The following PAPLN variants were observed in gnomAD, a reference collection of about 807,000 sequenced individuals.
PAPLN encodes the protein papilin.
A neutral mutation model predicts 159.0 loss-of-function variants in PAPLN; 146 were observed. The ratio of observed to expected loss-of-function variants is 0.92; its 90% confidence interval spans 0.80 to 1.05. The LOEUF (loss-of-function observed/expected upper bound fraction) is 1.05. PAPLN is among the 50% of genes least tolerant of loss of function. The pLI is 0.00. For missense variants in PAPLN, 1,720 were observed against 1,743.9 expected (o/e 0.99, Z 0.24); for synonymous variants, 734 against 702.9 (o/e 1.04, Z -0.70).
At chr14:73,241,623 ATTC>A (rs564697242) in intron 2 of PAPLN, among the ~76,000 whole-genome samples, 2 of 152,138 alleles carry the variant, frequency 1.3e-5, no homozygotes, top group African/African-American at 4.8e-5. Context: ...TGGGCTGAGA[ATTC>A]TTCTCTCCCT....
intron 5 of PAPLN, among the ~76,000 whole-genome samples, chr14:73,247,923 TG>T (rs1594787782): frequency 2.6e-5 from 3 of 115,868 alleles, no homozygotes; most frequent in Non-Finnish European, 5.3e-5. Flanking sequence ...TGTGTGTGTG[TG>T]TGTGTGTGTG....
rs1284079173 is a variant in PAPLN, at chr14:73,245,783, C to T, written c.231+87C>T. ...CCATTGGGATGCCCGCTCCTGGCCG[C>T]GGGCTGCTGGGTTGGCCCAGCCTGG... On this transcript the variant is annotated intron_variant, in intron 4 of 26. Transcript: ENST00000644200. The surrounding 1 kb of genome is among the most constrained non-coding windows in gnomAD (Gnocchi z 4.2). 2.7e-6 allele frequency: 4 copies of T among 1,491,574 alleles called. No homozygotes were observed. Among genetic ancestry groups the T allele is most frequent in the East Asian group, 4.9e-5 (2 of 40,476 alleles). The allele number at this position is 1,491,574 out of a possible 1,614,324, so 92.4% of individuals were successfully genotyped here. A position where few individuals can be genotyped will look rare whatever the true frequency, so the allele number is the denominator to read the frequency against.
Position 73,272,800 on chromosome 14 carries a change from A to T in PAPLN, c.*136A>T. ...AATACATTAGCTCTTTCAAAAACCC[A>T]CCCAGTGTTTAGCCTCAACGGCAGC... On this transcript the variant is annotated 3_prime_UTR_variant, in exon 27 of 27. Transcript: ENST00000644200. 1 of 984,976 alleles carries T rather than the reference A, an allele frequency of 1.0e-6. No individual in the cohort carries two copies. The highest frequency in any genetic ancestry group is 1.4e-6 in the Non-Finnish European group (1 of 736,126). 61.0% of individuals were successfully genotyped at this position (984,976 alleles called of 1,614,324 possible).
chr14:73,251,034 G>A lies in PAPLN; in HGVS notation c.589+4G>A, dbSNP rs925278346. 1 of 1,608,900 alleles carries A rather than the reference G, an allele frequency of 6.2e-7. No homozygotes were observed. Among genetic ancestry groups the A allele is most frequent in the Non-Finnish European group, 8.5e-7 (1 of 1,177,742 alleles). ...GACGCTAATGACCTCAGCCGAGGTG[G>A]GGGTGGTTCCGACAAGGGGCAGTTG... On this transcript the variant is annotated splice_donor_region_variant and intron_variant, in intron 7 of 26. Coordinates refer to ENST00000644200, the MANE Select transcript of PAPLN (RefSeq NM_001365906.3).
At chr14:73,267,899 C>T (rs932854059) in intron 25 of PAPLN, among the ~76,000 whole-genome samples, 1 of 152,150 alleles carries the variant, frequency 6.6e-6, no homozygotes. Flanking sequence ...CATAGTGTCC[C>T]CTTTACAGCT....
At chr14:73,259,595 G>A in intron 16 of PAPLN, 50 bp downstream of exon 16, 4 of 1,440,194 alleles carry the variant, frequency 2.8e-6, no homozygotes, top group African/African-American at 1.4e-5. Context: ...GAGGGAAGGT[G>A]GGACCCCGTG....
Position 73,266,504 on chromosome 14 carries a change from C to T in PAPLN, c.3267C>T (p.His1089=). The T allele has an allele frequency of 6.2e-7, 1 of 1,613,938 alleles. No individual in the cohort carries two copies. The highest frequency in any genetic ancestry group is 1.1e-5 in the South Asian group (1 of 91,040). The change falls in exon 24 of 27, where the codon CAC becomes CAT. Residue 1089 remains histidine (H), a synonymous_variant. Transcript: ENST00000644200. Reference sequence around the variant, plus strand: ...ACTGGCTGTACTTGGTCCCCAGACACCAGCTGCAGCCTGATGGCTCCCTGG... The same window carrying T: ...ACTGGCTGTACTTGGTCCCCAGACATCAGCTGCAGCCTGATGGCTCCCTGG... ...RDGQPVSSPR[H]QLQPDGSLVI...
chr14:73,241,606 C>T (rs189043344), intron 2 of PAPLN, among the ~76,000 whole-genome samples: 48 of 152,348 alleles, frequency 3.2e-4, no homozygotes, highest in Admixed American at 1.5e-3. Context: ...TGGGGCTGGG[C>T]GCAGCCTGGG....
intron 5 of PAPLN, among the ~76,000 whole-genome samples, chr14:73,246,413 T>A (rs1359086566): frequency 1.4e-5 from 2 of 146,152 alleles, no homozygotes; most frequent in Non-Finnish European, 3.0e-5. Context: ...TTTTTTTTTT[T>A]TTTTTTTTTT....
chr14:73,253,186 G>A (rs1205362222), intron 11 of PAPLN: 1 of 1,362,504 alleles, frequency 7.3e-7, no homozygotes, highest in Non-Finnish European at 9.7e-7. Context: ...CCGGCCTGGA[G>A]CGTGGCGCCT....
At chr14:73,259,731 C>T (rs977229336) in intron 16 of PAPLN, among the ~76,000 whole-genome samples, 186 bp downstream of exon 16, 2 of 152,132 alleles carry the variant, frequency 1.3e-5, no homozygotes, top group Non-Finnish European at 2.9e-5. Context: ...CTTCCTGTGG[C>T]TGAGTTTCTT....
intron 16 of PAPLN, among the ~76,000 whole-genome samples, chr14:73,259,791 G>C (rs144585855): frequency 1.3e-5 from 2 of 152,160 alleles, no homozygotes; most frequent in Non-Finnish European, 2.9e-5. Context: ...GAGTGTCAGC[G>C]TGTGGAAACA....
chr14:73,246,433 GCGCGGGGGCT>G (rs1454543701), intron 5 of PAPLN, among the ~76,000 whole-genome samples: 1 of 145,996 alleles, frequency 6.8e-6, no homozygotes, highest in Non-Finnish European at 1.5e-5. Context: ...TTTTGGGTGG[GCGCGGGGGCT>G]CGCAATGTAC....
chr14:73,262,231 T>G (rs1306604123), intron 18 of PAPLN, 119 bp from the exon 19 acceptor site: 5 of 1,017,140 alleles, frequency 4.9e-6, no homozygotes, highest in Non-Finnish European at 7.3e-6. Flanking sequence ...CAGACAGGGG[T>G]GTAGACATGC....
intron 18 of PAPLN, chr14:73,261,955 C>T (rs551158263): frequency 2.5e-5 from 5 of 198,538 alleles, no homozygotes; most frequent in East Asian, 2.8e-4. Flanking sequence ...CATCTTCACA[C>T]GCCCTGGGTG....
intron 2 of PAPLN, 132 bp from the exon 3 acceptor site, chr14:73,244,512 G>A: frequency 1.4e-6 from 1 of 715,166 alleles, no homozygotes. Context: ...GAGTCCTAAA[G>A]GTGGGCCCTG....
intron 5 of PAPLN, among the ~76,000 whole-genome samples, chr14:73,248,468 G>A (rs1216167891): frequency 8.5e-5 from 13 of 152,134 alleles, no homozygotes; most frequent in Admixed American, 3.9e-4. Flanking sequence ...AATCCTGTTT[G>A]TACTTTTGGG....
rs138835922 is a variant in PAPLN at position 73,265,396 on chromosome 14, G to A, written c.3152G>A (p.Arg1051Gln). The A allele has an allele frequency of 1.9e-5, 31 of 1,611,458 alleles. 1 individual carries two copies. The highest frequency in any genetic ancestry group is 5.5e-5 in the South Asian group (5 of 91,080). Residue 1051 changes from arginine to glutamine, a missense_variant, in exon 23 of 27, where the codon CGG becomes CAG. Physicochemically the swap from Arg to Gln is conservative, Grantham distance 43. Coordinates refer to ENST00000644200, the MANE Select transcript of PAPLN (RefSeq NM_001365906.3). The surrounding 1 kb of genome is among the most constrained non-coding windows in gnomAD (Gnocchi z 4.1). ...NRLRLDQNQP[R>Q]VVDASPGQRI... ...CTGCGTTTGGACCAGAACCAGCCCC[G>A]GGTGGTGGATGCCAGTCCAGGCCAG...
At chr14:73,250,843 C>T (rs1193983349) in intron 6 of PAPLN, 64 bp from the exon 7 acceptor site, 40 of 1,519,924 alleles carry the variant, frequency 2.6e-5, no homozygotes, top group African/African-American at 4.1e-5. Flanking sequence ...TAGGATGCGA[C>T]GGGGCCCAAG....
Sources: allele counts gnomAD v4.1 joint callset (sites outside exome capture counted in the v4.1 genomes callset), GRCh38; gene constraint gnomAD v4.1.1; non-coding constraint Gnocchi (gnomAD v3.1); transcripts MANE v1.5; gene names NCBI Gene and HGNC (gene_info 2026-07-23, HGNC 2026-07-21).